The following MEIKIN variants were observed in gnomAD, a reference collection of about 807,000 sequenced individuals.
The protein encoded by MEIKIN is meiosis-specific kinetochore protein.
intron 8 of MEIKIN, among the ~76,000 whole-genome samples, chr5:131,895,958 G>T (rs1276224217): frequency 6.6e-6 from 1 of 152,120 alleles, no homozygotes; most frequent in African/African-American, 2.4e-5. Context: ...TGCTTCTCTA[G>T]TTCTTTTAAT....
intron 8 of MEIKIN, among the ~76,000 whole-genome samples, chr5:131,901,664 G>A (rs1561750135): frequency 1.3e-5 from 2 of 152,298 alleles, no homozygotes; most frequent in East Asian, 3.9e-4. Flanking sequence ...AGGGGCCAGA[G>A]AACAAAGCCA....
intron 11 of MEIKIN, among the ~76,000 whole-genome samples, chr5:131,838,979 T>A (rs1749858899): frequency 6.6e-6 from 1 of 152,202 alleles, no homozygotes; most frequent in African/African-American, 2.4e-5. Flanking sequence ...AATTTTTTGA[T>A]GTGTTCATTC....
At chr5:131,938,028 C>A (rs973573383) in intron 4 of MEIKIN, among the ~76,000 whole-genome samples, 1 of 152,048 alleles carries the variant, frequency 6.6e-6, no homozygotes, top group East Asian at 1.9e-4. Flanking sequence ...AATTTTCCTT[C>A]TGTTTACTCT....
intron 8 of MEIKIN, among the ~76,000 whole-genome samples, chr5:131,908,101 T>C (rs1470282262): frequency 1.3e-5 from 2 of 152,128 alleles, no homozygotes; most frequent in Non-Finnish European, 1.5e-5. Flanking sequence ...AGTATTACCC[T>C]GATACAAAAA....
chr5:131,927,758 T>G (rs967223602), intron 5 of MEIKIN, among the ~76,000 whole-genome samples: 2 of 152,220 alleles, frequency 1.3e-5, no homozygotes, highest in African/African-American at 4.8e-5. Context: ...CTATCTTGTC[T>G]GACATAAATA....
chr5:131,885,975 A>G (rs577100290), intron 8 of MEIKIN, among the ~76,000 whole-genome samples: 11 of 152,358 alleles, frequency 7.2e-5, no homozygotes, highest in East Asian at 1.9e-4. Context: ...TTAAATAACT[A>G]AAAAGAAATA....
intron 11 of MEIKIN, among the ~76,000 whole-genome samples, chr5:131,844,392 C>A (rs1749973855): frequency 6.6e-6 from 1 of 152,124 alleles, no homozygotes; most frequent in Non-Finnish European, 1.5e-5. Flanking sequence ...TGAAAACAAA[C>A]AATATGAGTC....
At chr5:131,930,191 A>G (rs752791819) in intron 5 of MEIKIN, among the ~76,000 whole-genome samples, 3 of 152,092 alleles carry the variant, frequency 2.0e-5, no homozygotes, top group Non-Finnish European at 4.4e-5. Flanking sequence ...TCACAAACAC[A>G]TTATTTTTTG....
At chr5:131,852,764 A>C (rs1184567511) in intron 10 of MEIKIN, among the ~76,000 whole-genome samples, 1 of 152,168 alleles carries the variant, frequency 6.6e-6, no homozygotes, top group Admixed American at 6.5e-5. Flanking sequence ...TATGCTAAAA[A>C]CCACTGAATT....
At chr5:131,936,434 T>C (rs1004693406) in intron 4 of MEIKIN, among the ~76,000 whole-genome samples, 1 of 152,238 alleles carries the variant, frequency 6.6e-6, no homozygotes, top group Non-Finnish European at 1.5e-5. Flanking sequence ...TCTATTATTA[T>C]GACTATTCAA....
intron 12 of MEIKIN, among the ~76,000 whole-genome samples, chr5:131,817,296 C>T (rs933082726): frequency 2.0e-5 from 3 of 152,106 alleles, no homozygotes; most frequent in African/African-American, 4.8e-5. Context: ...TCCATAACCA[C>T]ATTAGCCAAT....
chr5:131,865,673 T>C (rs760987078), intron 9 of MEIKIN, among the ~76,000 whole-genome samples: 1 of 152,248 alleles, frequency 6.6e-6, no homozygotes, highest in Non-Finnish European at 1.5e-5. Context: ...TTGAATTTGC[T>C]TTCATCAGGG....
intron 6 of MEIKIN, among the ~76,000 whole-genome samples, chr5:131,920,846 C>T (rs1751492441): frequency 2.6e-5 from 4 of 151,948 alleles, no homozygotes; most frequent in South Asian, 2.1e-4. Context: ...GGACTACAGG[C>T]GTGCACCATC....
chr5:131,819,765 ATTTTTTTTTTTTTT>A (rs1167213249), intron 11 of MEIKIN, among the ~76,000 whole-genome samples: 6 of 64,576 alleles, frequency 9.3e-5, no homozygotes, highest in Admixed American at 3.7e-4. Context: ...ACATCCAGCT[ATTTTTTTTTTTTTT>A]TTTTTTTTTT....
intron 11 of MEIKIN, among the ~76,000 whole-genome samples, chr5:131,839,917 CTTGT>C (rs1310244270): frequency 2.6e-5 from 4 of 152,100 alleles, no homozygotes; most frequent in Non-Finnish European, 5.9e-5. Context: ...ATTATTCAGA[CTTGT>C]TTGTGTGGTT....
chr5:131,914,700 AACC>A (rs1308543509), intron 7 of MEIKIN, among the ~76,000 whole-genome samples: 1 of 151,938 alleles, frequency 6.6e-6, no homozygotes, highest in Non-Finnish European at 1.5e-5. Context: ...AGACTAAGAC[AACC>A]ATATGATACA....
At chr5:131,920,128 G>A (rs1580907421) in intron 6 of MEIKIN, among the ~76,000 whole-genome samples, 1 of 152,130 alleles carries the variant, frequency 6.6e-6, no homozygotes. Flanking sequence ...TTTCTTACAG[G>A]AGCCTGGGTT....
At chr5:131,929,725 C>T (rs1304660189) in intron 5 of MEIKIN, among the ~76,000 whole-genome samples, 4 of 152,134 alleles carry the variant, frequency 2.6e-5, no homozygotes, top group African/African-American at 9.7e-5. Context: ...TCTACTGTTC[C>T]CTTCTTTGTG....
chr5:131,854,260 C>T (rs1750160219), intron 10 of MEIKIN, among the ~76,000 whole-genome samples: 1 of 152,056 alleles, frequency 6.6e-6, no homozygotes. Context: ...CTGTATGGTT[C>T]CACTTATATG....
Sources: allele counts gnomAD v4.1 joint callset (sites outside exome capture counted in the v4.1 genomes callset), GRCh38; gene constraint gnomAD v4.1.1; transcripts MANE v1.5; gene names NCBI Gene and HGNC (gene_info 2026-07-23, HGNC 2026-07-21).